UHMK1: variants seen among roughly 807,000 people sequenced by gnomAD.
UHMK1 encodes U2AF homology motif kinase 1.
A neutral mutation model predicts 44.0 loss-of-function variants in UHMK1; 18 were observed. The ratio of observed to expected loss-of-function variants is 0.41; its 90% confidence interval spans 0.28 to 0.61. UHMK1 has a LOEUF of 0.61. Among genes scored for constraint, UHMK1 ranks in the 20% least tolerant of loss-of-function variants. UHMK1 has a pLI of 0.31. For synonymous variants in UHMK1, 231 were observed against 198.5 expected (o/e 1.16, Z -1.38); for missense variants, 463 against 522.5 (o/e 0.89, Z 1.11).
chr1:162,499,843 C>T, intron 1 of UHMK1, 112 bp from the exon 2 acceptor site: 1 of 951,834 alleles, frequency 1.1e-6, no homozygotes, highest in Non-Finnish European at 1.5e-6. Context: ...TGGAAGCTTG[C>T]TCATCAAAGT....
intron 2 of UHMK1, chr1:162,500,601 A>C (rs528943814): frequency 3.0e-4 from 123 of 409,062 alleles, no homozygotes; most frequent in Non-Finnish European, 4.3e-4. Flanking sequence ...AATGCATATG[A>C]TAGTTCTGCC....
rs544259349 is a variant in UHMK1, at chr1:162,503,696, T to C, written c.754-58T>C. On this transcript the variant is annotated intron_variant, in intron 3 of 7. Coordinates refer to ENST00000489294, the MANE Select transcript of UHMK1 (RefSeq NM_175866.5). Reference sequence around the variant, plus strand: ...TTACTCTCAAATAGTGCTATATGCCTAGTATTCAATAAATACAGACTGAAT... The same window carrying C: ...TTACTCTCAAATAGTGCTATATGCCCAGTATTCAATAAATACAGACTGAAT... The C allele has an allele frequency of 4.2e-6, 5 of 1,190,528 alleles. No individual in the cohort carries two copies. The Admixed American group carries it at 8.7e-5, about 21-fold the overall frequency. 73.7% of individuals were successfully genotyped at this position (1,190,528 alleles called of 1,614,324 possible).
chr1:162,527,285 C>T lies in UHMK1; in HGVS notation c.*4735C>T, dbSNP rs1652284425. Reference sequence around the variant, plus strand: ...TAAATTATATAATGACCAGTAGATTCACAGTAGCATGTACTTGACAAGTGC... The same window carrying T: ...TAAATTATATAATGACCAGTAGATTTACAGTAGCATGTACTTGACAAGTGC... On this transcript the variant is annotated 3_prime_UTR_variant, in exon 8 of 8. Transcript: ENST00000489294. The T allele has an allele frequency of 6.6e-6, 1 of 151,964 alleles. No individual in the cohort carries two copies. Among genetic ancestry groups the T allele is most frequent in the Non-Finnish European group, 1.5e-5 (1 of 67,938 alleles). The allele number at this position is 151,964 out of a possible 1,614,324, so 9.4% of individuals were successfully genotyped here.
intron 4 of UHMK1, among the ~76,000 whole-genome samples, chr1:162,507,581 C>CTTTTTTTTTTT (rs548617627): frequency 1.5e-5 from 2 of 133,212 alleles, no homozygotes; most frequent in African/African-American, 2.8e-5. Flanking sequence ...CCCATTCTTT[C>CTTTTTTTTTTT]TTTTTTTTTT....
intron 1 of UHMK1, among the ~76,000 whole-genome samples, chr1:162,499,182 G>GT (rs200820942): frequency 0.024 from 3,440 of 145,922 alleles, 65 homozygotes; most frequent in African/African-American, 0.053. Flanking sequence ...TTTTGTTTTA[G>GT]TTTTTTTTTT....
intron 4 of UHMK1, among the ~76,000 whole-genome samples, chr1:162,507,398 G>A (rs575868705): frequency 1.2e-3 from 181 of 151,352 alleles, no homozygotes; most frequent in African/African-American, 4.2e-3. Flanking sequence ...GATTACAGGC[G>A]TGAGCCACAA....
intron 4 of UHMK1, 52 bp downstream of exon 4, chr1:162,503,900 G>A: frequency 2.2e-6 from 3 of 1,378,890 alleles, no homozygotes; most frequent in Non-Finnish European, 3.1e-6. Flanking sequence ...TATGTGAAAT[G>A]GTACGTCTTT....
At chr1:162,504,051 A>AAAAG (rs1442913242) in intron 4 of UHMK1, among the ~76,000 whole-genome samples, 1 of 152,090 alleles carries the variant, frequency 6.6e-6, no homozygotes, top group African/African-American at 2.4e-5. Context: ...CTGCCTTTTC[A>AAAAG]CTGGAAGATA....
chr1:162,514,422 T>A (rs1571014911), intron 6 of UHMK1, among the ~76,000 whole-genome samples: 1 of 152,214 alleles, frequency 6.6e-6, no homozygotes, highest in African/African-American at 2.4e-5. Context: ...AGTACCTATC[T>A]TGTAGAGTTG....
rs1056959734 is a variant in UHMK1, at chr1:162,523,376, A to G, written c.*826A>G. The G allele has an allele frequency of 1.3e-5, 2 of 152,618 alleles. No individual in the cohort carries two copies. The highest frequency in any genetic ancestry group is 4.8e-5 in the African/African-American group (2 of 41,442). The allele number at this position is 152,618 out of a possible 1,614,324, so 9.5% of individuals were successfully genotyped here. A position where few individuals can be genotyped will look rare whatever the true frequency, so the allele number is the denominator to read the frequency against. On this transcript the variant is annotated 3_prime_UTR_variant, in exon 8 of 8. Transcript: ENST00000489294. ...AGGTAGTCTGTCTGATACAATGTAAATGACAAAACATAATTCCTGAGAGGC... is the reference window on the plus strand; with the variant it reads ...AGGTAGTCTGTCTGATACAATGTAAGTGACAAAACATAATTCCTGAGAGGC...
rs1471556218 is a variant in UHMK1 at position 162,528,091 on chromosome 1, C to T, written c.*5541C>T. ...CTTCCCTTAATAATATTTATGATAC[C>T]AGGACAGTGAGGGTATAAGAGCAAA... On this transcript the variant is annotated 3_prime_UTR_variant, in exon 8 of 8. Coordinates refer to ENST00000489294, the MANE Select transcript of UHMK1 (RefSeq NM_175866.5). 1 of 151,736 alleles carries T rather than the reference C, an allele frequency of 6.6e-6. No individual in the cohort carries two copies. The highest frequency in any genetic ancestry group is 6.6e-5 in the Admixed American group (1 of 15,224). The allele number at this position is 151,736 out of a possible 1,614,324, so 9.4% of individuals were successfully genotyped here. A position where few individuals can be genotyped will look rare whatever the true frequency, so the allele number is the denominator to read the frequency against.
At chr1:162,504,521 C>G (rs1343176022) in intron 4 of UHMK1, among the ~76,000 whole-genome samples, 1 of 152,174 alleles carries the variant, frequency 6.6e-6, no homozygotes, top group Non-Finnish European at 1.5e-5. Context: ...GTACCAAATA[C>G]TATAGACAGT....
intron 7 of UHMK1, among the ~76,000 whole-genome samples, chr1:162,519,813 A>G (rs1408845557): frequency 1.3e-5 from 2 of 152,028 alleles, no homozygotes; most frequent in African/African-American, 2.4e-5. Context: ...CCTGATTTCT[A>G]CCCACTTTGA....
intron 4 of UHMK1, 141 bp downstream of exon 4, chr1:162,503,989 C>CA: frequency 1.5e-6 from 1 of 659,382 alleles, no homozygotes; most frequent in Non-Finnish European, 2.5e-6. Context: ...AATTTGTTTT[C>CA]AAAGGAATGC....
chr1:162,519,746 TG>T, intron 7 of UHMK1, among the ~76,000 whole-genome samples: 1 of 152,214 alleles, frequency 6.6e-6, no homozygotes, highest in East Asian at 1.9e-4. Context: ...ACATTGAGCC[TG>T]ATAATTCTTT....
At chr1:162,518,266 G>A (rs1571017961) in intron 7 of UHMK1, 76 bp downstream of exon 7, 1 of 1,088,434 alleles carries the variant, frequency 9.2e-7, no homozygotes, top group Non-Finnish European at 1.4e-6. Context: ...AGTTCTGTAG[G>A]AAGATGTACA....
rs1377525540 is a variant in UHMK1 at position 162,529,010 on chromosome 1, T to G, written c.*6460T>G. The G allele has an allele frequency of 6.6e-6, 1 of 152,184 alleles. No homozygotes were observed. The highest frequency in any genetic ancestry group is 2.4e-5 in the African/African-American group (1 of 41,462). The allele number at this position is 152,184 out of a possible 1,614,324, so 9.4% of individuals were successfully genotyped here. Reference sequence around the variant, plus strand: ...TTTTCCCTCAGTAACATGTAATTGCTACATTTTTTATAAGAAGGTATGGTT... The same window carrying G: ...TTTTCCCTCAGTAACATGTAATTGCGACATTTTTTATAAGAAGGTATGGTT... On this transcript the variant is annotated 3_prime_UTR_variant, in exon 8 of 8. Coordinates refer to ENST00000489294, the MANE Select transcript of UHMK1 (RefSeq NM_175866.5).
chr1:162,508,295 A>G (rs960535087), intron 4 of UHMK1, among the ~76,000 whole-genome samples: 2 of 151,848 alleles, frequency 1.3e-5, no homozygotes, highest in African/African-American at 2.4e-5. Flanking sequence ...TGTTTTTAGT[A>G]GAGACAAGGT....
At position 162,500,064 on chromosome 1, in the gene UHMK1, T is replaced by G; in HGVS notation, c.378T>G (p.Ser126Arg). The G allele has an allele frequency of 6.2e-7, 1 of 1,614,242 alleles. No homozygotes were observed. Among genetic ancestry groups the G allele is most frequent in the Non-Finnish European group, 8.5e-7 (1 of 1,180,048 alleles). ...TTTCGGAATTGCTCTTATATTCCAG[T>G]CACCAGGGTTGTTCCATGTGGATGA... is the stretch of plus-strand genomic sequence containing the variant. ...VSVSELLLYS[S>R]HQGCSMWMIQ... The change falls in exon 2 of 8, where the codon AGT becomes AGG. Residue 126 changes from serine (S) to arginine (R), a missense_variant. Ser to Arg is a moderately radical substitution (Grantham distance 110). Coordinates refer to ENST00000489294, the MANE Select transcript of UHMK1 (RefSeq NM_175866.5).
Sources: allele counts gnomAD v4.1 joint callset (sites outside exome capture counted in the v4.1 genomes callset), GRCh38; gene constraint gnomAD v4.1.1; transcripts MANE v1.5; gene names NCBI Gene and HGNC (gene_info 2026-07-23, HGNC 2026-07-21).